The following RAD18 variants were observed in gnomAD, a reference collection of about 807,000 sequenced individuals.
The protein encoded by RAD18 is E3 ubiquitin-protein ligase RAD18.
Under a neutral mutation model 60.4 loss-of-function variants are expected in RAD18, and 47 were observed. That is an observed-to-expected ratio of 0.78 (90% CI 0.62 to 0.99). RAD18 has a LOEUF of 0.99. RAD18 is among the 50% of genes least tolerant of loss of function. The probability of loss-of-function intolerance (pLI) is 0.00; values close to 1 mark genes in which losing one functional copy is unlikely to be tolerated. For missense variants in RAD18, 640 were observed against 593.3 expected, an observed-to-expected ratio of 1.08 and a Z score of -0.82; for synonymous variants, 225 against 195.5, an observed-to-expected ratio of 1.15 and a Z score of -1.26.
chr3:8,951,911 A>T (rs984735151), intron 2 of RAD18, among the ~76,000 whole-genome samples: 1 of 152,220 alleles, frequency 6.6e-6, no homozygotes, highest in Non-Finnish European at 1.5e-5. Flanking sequence ...ATAGACAACC[A>T]CCTGCTCACT....
At chr3:8,943,757 C>G (rs968652162) in intron 4 of RAD18, among the ~76,000 whole-genome samples, 2 of 152,124 alleles carry the variant, frequency 1.3e-5, no homozygotes, top group African/African-American at 4.8e-5. Flanking sequence ...AAGCACCACA[C>G]TTCTAAATAA....
At chr3:8,931,949 T>A (rs1940567005) in intron 7 of RAD18, among the ~76,000 whole-genome samples, 1 of 152,218 alleles carries the variant, frequency 6.6e-6, no homozygotes, top group Admixed American at 6.5e-5. Context: ...ACATATTTTT[T>A]AAATAAACTT....
intron 9 of RAD18, among the ~76,000 whole-genome samples, chr3:8,908,031 G>A (rs181478183): frequency 3.8e-3 from 580 of 151,848 alleles, no homozygotes; most frequent in Non-Finnish European, 5.0e-3. Flanking sequence ...CCCATAATAC[G>A]GGGGCTCATC....
At chr3:8,903,299 A>G (rs1939946569) in intron 9 of RAD18, among the ~76,000 whole-genome samples, 1 of 152,212 alleles carries the variant, frequency 6.6e-6, no homozygotes, top group Admixed American at 6.5e-5. Context: ...CCGCTTTCTT[A>G]AATATATACA....
At chr3:8,959,033 G>A in intron 1 of RAD18, 32 bp from the exon 2 acceptor site, 10 of 1,558,652 alleles carry the variant, frequency 6.4e-6, no homozygotes, top group Non-Finnish European at 8.8e-6. Flanking sequence ...ATACATATCA[G>A]AAAGACATCA....
In RAD18 at chr3:8,936,006, A is replaced by C; in HGVS notation, c.754T>G (p.Ser252Ala). The C allele has an allele frequency of 1.2e-6, 2 of 1,610,182 alleles. No individual in the cohort carries two copies. The highest frequency in any genetic ancestry group is 1.7e-5 in the Admixed American group (1 of 59,458). Residue 252 changes from serine to alanine, a missense_variant, in exon 7 of 13, where the codon TCT becomes GCT. By Grantham distance (99) the Ser-to-Ala change is moderately conservative. Coordinates refer to ENST00000264926, the MANE Select transcript of RAD18 (RefSeq NM_020165.4). ...AGCTTTTTCTTTAAATCACGATCAGAGAGCAAATTATATACAGTTTTGGGC... is the reference window on the plus strand; with the variant it reads ...AGCTTTTTCTTTAAATCACGATCAGCGAGCAAATTATATACAGTTTTGGGC... ...PLPKTVYNLL[S>A]DRDLKKKLKE...
intron 11 of RAD18, among the ~76,000 whole-genome samples, chr3:8,891,635 G>C (rs1233457303): frequency 6.6e-6 from 1 of 152,160 alleles, no homozygotes; most frequent in Non-Finnish European, 1.5e-5. Flanking sequence ...GCCCAGCCAG[G>C]CTGCACAGCT....
chr3:8,934,246 C>A (rs2125064268), intron 7 of RAD18, among the ~76,000 whole-genome samples: 1 of 152,250 alleles, frequency 6.6e-6, no homozygotes, highest in East Asian at 1.9e-4. Context: ...AGGCAAAGCA[C>A]TGATCAAAAG....
Position 8,912,322 on chromosome 3 carries a change from G to A in RAD18, c.1017C>T (p.His339=), listed in dbSNP as rs780548862. The change falls in exon 9 of 13, where the codon CAC becomes CAT. Residue 339 remains histidine, a synonymous_variant. Coordinates refer to ENST00000264926, the MANE Select transcript of RAD18 (RefSeq NM_020165.4). ...AGTCGTGCAACTTACGATATTTACT[G>A]TGGATTTCATCTATTTCCTTTTCTG... ...DQTEKEIDEI[H]SKYRKKHKSE... The A allele has an allele frequency of 2.6e-6, 4 of 1,564,774 alleles. No individual in the cohort carries two copies. In the East Asian group the frequency reaches 9.3e-5, roughly 36 times the overall value.
intron 1 of RAD18, among the ~76,000 whole-genome samples, chr3:8,961,324 G>C (rs553516596): frequency 4.6e-5 from 7 of 152,344 alleles, no homozygotes; most frequent in South Asian, 2.1e-4. Context: ...TAGAGAGAGA[G>C]AAAGTGAAAG....
At chr3:8,960,774 C>A (rs1453443573) in intron 1 of RAD18, among the ~76,000 whole-genome samples, 1 of 152,116 alleles carries the variant, frequency 6.6e-6, no homozygotes, top group Non-Finnish European at 1.5e-5. Flanking sequence ...TTTAAATGCA[C>A]AAAAACCAAA....
intron 4 of RAD18, among the ~76,000 whole-genome samples, chr3:8,945,353 TAC>T (rs1940821359): frequency 6.6e-6 from 1 of 152,130 alleles, no homozygotes; most frequent in Non-Finnish European, 1.5e-5. Context: ...AGAGACCAAA[TAC>T]ACAGTGGTGG....
intron 11 of RAD18, among the ~76,000 whole-genome samples, chr3:8,893,032 G>C (rs1188353783): frequency 2.6e-5 from 4 of 152,152 alleles, no homozygotes; most frequent in Non-Finnish European, 5.9e-5. Context: ...CGCAGTAAAT[G>C]TTCAACAAAT....
chr3:8,897,088 C>T (rs1374952474), intron 11 of RAD18, among the ~76,000 whole-genome samples: 2 of 152,130 alleles, frequency 1.3e-5, no homozygotes, highest in African/African-American at 4.8e-5. Flanking sequence ...AAAGATTATC[C>T]TCTCTGAGAG....
chr3:8,927,690 G>A (rs1217672545), intron 7 of RAD18, among the ~76,000 whole-genome samples: 3 of 152,194 alleles, frequency 2.0e-5, no homozygotes, highest in African/African-American at 7.2e-5. Context: ...ACTGGGTTAA[G>A]AAAATGTGGC....
chr3:8,960,435 T>G (rs1325060872), intron 1 of RAD18, among the ~76,000 whole-genome samples: 1 of 152,192 alleles, frequency 6.6e-6, no homozygotes, highest in Non-Finnish European at 1.5e-5. Flanking sequence ...ACTTTTTATT[T>G]TATGTGTATT....
At chr3:8,912,423 A>C in intron 8 of RAD18, 51 bp from the exon 9 acceptor site, 1 of 1,274,528 alleles carries the variant, frequency 7.8e-7, no homozygotes. Context: ...AAATGACAAA[A>C]AGGGAAATAT....
In RAD18 at chr3:8,890,448, G is replaced by A; in HGVS notation, c.1326C>T (p.Ser442=). Residue 442 remains serine (S), a synonymous_variant, in exon 12 of 13, where the codon TCC becomes TCT. Coordinates refer to ENST00000264926, the MANE Select transcript of RAD18 (RefSeq NM_020165.4). ...SSSESDSCNS[S]SSDIIRDLLE... is the part of the protein sequence containing the mutation. ...AAAGATCTCTTATGATGTCTGAACT[G>A]GAACTAAAAGGATATGTACATCAGT... The A allele has an allele frequency of 6.3e-7, 1 of 1,578,930 alleles. No homozygotes were observed. The highest frequency in any genetic ancestry group is 8.7e-7 in the Non-Finnish European group (1 of 1,148,150).
intron 7 of RAD18, among the ~76,000 whole-genome samples, chr3:8,932,409 C>T (rs550964): frequency 0.68 from 103,762 of 152,014 alleles, 36,023 homozygotes; most frequent in Middle Eastern, 0.77. Context: ...TATCAAAAGA[C>T]AGCAGACACC....
Sources: gnomAD v4.1 joint callset for allele counts (sites outside exome capture counted in the v4.1 genomes callset) on GRCh38, gnomAD v4.1.1 for gene constraint, MANE v1.5 for transcripts, NCBI Gene and HGNC (gene_info 2026-07-23, HGNC 2026-07-21) for gene names.